TMEM117: variants seen among roughly 807,000 people sequenced by gnomAD.
TMEM117 encodes transmembrane protein 117.
TMEM117 carries 27 observed loss-of-function variants against 52.4 expected under a neutral mutation model. The ratio of observed to expected loss-of-function variants is 0.51; its 90% CI spans 0.38 to 0.71. The LOEUF is 0.71. Among genes scored for constraint, TMEM117 ranks in the 30% least tolerant of loss-of-function variants. The probability of loss-of-function intolerance (pLI) is 0.00; values close to 1 mark genes in which losing one functional copy is unlikely to be tolerated. For synonymous variants in TMEM117, 215 were observed against 206.3 expected (o/e 1.04, Z -0.36); for missense variants, 556 against 630.5 (o/e 0.88, Z 1.26).
chr12:43,812,692 T>C, the TMEM117 span, among the ~76,000 whole-genome samples: 1 of 151,998 alleles, frequency 6.6e-6, no homozygotes, highest in East Asian at 1.9e-4. Context: ...TTTGATCCTA[T>C]ACTAGGCTGG....
At chr12:44,249,060 G>A (rs1164415910) in intron 5 of TMEM117, 2 of 152,274 alleles carry the variant, frequency 1.3e-5, no homozygotes, top group Non-Finnish European at 2.9e-5. Context: ...CATCTGCACA[G>A]TTTCTGAAGA....
chr12:44,327,964 TCC>T (rs1951218624), intron 6 of TMEM117, among the ~76,000 whole-genome samples: 2 of 152,186 alleles, frequency 1.3e-5, no homozygotes, highest in Admixed American at 1.3e-4. Flanking sequence ...GACTTAAACA[TCC>T]AGACCCAGGC....
the TMEM117 span, among the ~76,000 whole-genome samples, chr12:43,812,927 GC>G: frequency 6.6e-6 from 1 of 151,090 alleles, no homozygotes; most frequent in African/African-American, 2.4e-5. Context: ...GATTGCTTGA[GC>G]CCAGGAGTTC....
rs148078879 is a variant in TMEM117, at chr12:44,143,276, G to A, written c.411-249G>A. On this transcript the variant is annotated intron_variant, in intron 3 of 7. Transcript: ENST00000266534. ...GATTTTTCAAAAGCTGTCATTAGTC[G>A]TACAGCTCAAATATGAAGTGCACAT... Among the ~76,000 whole-genome samples, 1,442 of 152,260 alleles carry A rather than the reference G, an allele frequency of 9.5e-3. 20 individuals carry two copies. The highest frequency in any genetic ancestry group is 0.033 in the African/African-American group (1,357 of 41,560).
intron 2 of TMEM117, among the ~76,000 whole-genome samples, chr12:43,879,259 A>G (rs12307644): frequency 0.1 from 15,555 of 152,266 alleles, 2,396 homozygotes; most frequent in African/African-American, 0.33. Context: ...TATGTTTGCT[A>G]AAACTTTATC....
chr12:43,983,547 CGTGTGTGTGTGTGTGT>C lies in TMEM117; in HGVS notation c.410+39236_410+39251del, dbSNP rs748259406. 1.1e-3 allele frequency among the ~76,000 whole-genome samples: 119 copies of C among 110,724 alleles called. 1 individual carries two copies. The highest frequency in any genetic ancestry group is 3.2e-3 in the African/African-American group (102 of 31,786). The allele number at this position is 110,724 out of a possible 152,430, so 72.6% of individuals were successfully genotyped here. A position where few individuals can be genotyped will look rare whatever the true frequency, so the allele number is the denominator to read the frequency against. On this transcript the variant is annotated intron_variant, in intron 3 of 7. Coordinates refer to ENST00000266534, the MANE Select transcript of TMEM117 (RefSeq NM_032256.3). The stretch of plus-strand genomic sequence containing the variant: ...AAACTGCAATTACTTTTGCACCAAC[CGTGTGTGTGTGTGTGT>C]GTGTGTGTGTGTGTGTGTGTGTGTG...
intron 2 of TMEM117, among the ~76,000 whole-genome samples, chr12:43,847,888 TAAAG>T (rs1345301846): frequency 6.6e-6 from 1 of 151,964 alleles, no homozygotes; most frequent in Admixed American, 6.6e-5. Flanking sequence ...GGCTGAGAAA[TAAAG>T]AGAGACAGTA....
chr12:44,351,507 T>G (rs1951561495), intron 6 of TMEM117, among the ~76,000 whole-genome samples: 1 of 152,030 alleles, frequency 6.6e-6, no homozygotes, highest in Admixed American at 6.6e-5. Flanking sequence ...GATTTAAACC[T>G]TTAATTCATT....
intron 2 of TMEM117, among the ~76,000 whole-genome samples, chr12:43,883,791 C>T (rs998992992): frequency 2.9e-5 from 4 of 139,778 alleles, no homozygotes; most frequent in Non-Finnish European, 4.7e-5. Flanking sequence ...AAAAAAAAAC[C>T]CCAAACAAGG....
chr12:44,117,014 T>C (rs1457550587), intron 3 of TMEM117, among the ~76,000 whole-genome samples: 1 of 152,188 alleles, frequency 6.6e-6, no homozygotes, highest in Non-Finnish European at 1.5e-5. Flanking sequence ...CTTAGAATCA[T>C]TGAAAACTCC....
chr12:44,235,486 G>A (rs569683905), intron 5 of TMEM117, among the ~76,000 whole-genome samples: 1 of 150,774 alleles, frequency 6.6e-6, no homozygotes, highest in South Asian at 2.1e-4. Context: ...CTTTTTTGAT[G>A]TTTTTGATTG....
intron 2 of TMEM117, among the ~76,000 whole-genome samples, chr12:43,850,913 G>A (rs2137372683): frequency 6.6e-6 from 1 of 152,216 alleles, no homozygotes; most frequent in African/African-American, 2.4e-5. Flanking sequence ...TATGTTGGGA[G>A]GAATGGGATT....
chr12:44,373,552 A>G lies in TMEM117; in HGVS notation c.769-3043A>G, dbSNP rs74872839. On this transcript the variant is annotated intron_variant, in intron 6 of 7. Coordinates refer to ENST00000266534, the MANE Select transcript of TMEM117 (RefSeq NM_032256.3). ...ACCTTGAAATTATGCCAGGAAATAAACCATTTTTGTTGGACATTCACCTGT... is the reference window on the plus strand; with the variant it reads ...ACCTTGAAATTATGCCAGGAAATAAGCCATTTTTGTTGGACATTCACCTGT... Among the ~76,000 whole-genome samples, 31 of 152,228 alleles carry G rather than the reference A, an allele frequency of 2.0e-4. No individual in the cohort carries two copies. The East Asian group carries it at 5.8e-3, about 29-fold the overall frequency.
intron 6 of TMEM117, among the ~76,000 whole-genome samples, chr12:44,367,680 T>C (rs1294929352): frequency 1.3e-5 from 2 of 152,126 alleles, no homozygotes; most frequent in African/African-American, 4.8e-5. Flanking sequence ...GATTCCCAAC[T>C]GCCTACATAA....
chr12:44,338,352 T>C (rs1951370150), intron 6 of TMEM117, among the ~76,000 whole-genome samples: 1 of 152,144 alleles, frequency 6.6e-6, no homozygotes, highest in Admixed American at 6.6e-5. Context: ...GTTTAACTTT[T>C]TGTTTTAAAT....
chr12:44,127,483 C>G (rs1042438733), intron 3 of TMEM117, among the ~76,000 whole-genome samples: 10 of 151,892 alleles, frequency 6.6e-5, no homozygotes, highest in African/African-American at 2.4e-4. Context: ...TTGAGACCAG[C>G]CTGACCAACA....
intron 3 of TMEM117, among the ~76,000 whole-genome samples, chr12:44,058,137 A>C (rs1016439145): frequency 4.1e-5 from 6 of 147,842 alleles, no homozygotes; most frequent in African/African-American, 1.6e-4. Flanking sequence ...GAGATGTAGA[A>C]AATAGATTTT....
chr12:43,917,931 C>T (rs977499699), intron 2 of TMEM117, among the ~76,000 whole-genome samples: 8 of 152,118 alleles, frequency 5.3e-5, no homozygotes, highest in African/African-American at 1.9e-4. Context: ...GACTTGATCT[C>T]TATTCCAGTC....
chr12:43,911,940 G>C (rs1421567482), intron 2 of TMEM117, among the ~76,000 whole-genome samples: 2 of 131,056 alleles, frequency 1.5e-5, no homozygotes, highest in African/African-American at 2.7e-5. Context: ...TCAGTGTGGC[G>C]ATTCCTCAGG....
Sources: gnomAD v4.1 joint callset for allele counts (sites outside exome capture counted in the v4.1 genomes callset) on GRCh38, gnomAD v4.1.1 for gene constraint, MANE v1.5 for transcripts, NCBI Gene and HGNC (gene_info 2026-07-23, HGNC 2026-07-21) for gene names.